RBM34: variants seen among roughly 807,000 people sequenced by gnomAD.
RBM34 encodes the protein RNA-binding protein 34.
Under a neutral mutation model 44.6 loss-of-function variants are expected in RBM34, and 39 were observed. That is an observed-to-expected ratio of 0.87 (90% CI 0.68 to 1.14). The LOEUF is 1.14. RBM34 is among the 50% of genes most tolerant of loss of function. The pLI is 0.00. For synonymous variants in RBM34, 194 were observed against 184.0 expected (o/e 1.05, Z -0.44); for missense variants, 572 against 517.9 (o/e 1.10, Z -1.01).
intron 2 of RBM34, 92 bp from the exon 3 acceptor site, chr1:235,160,739 T>C: frequency 6.6e-7 from 1 of 1,519,432 alleles, no homozygotes; most frequent in Non-Finnish European, 8.9e-7. Flanking sequence ...GAGAATCTCT[T>C]CTCTCTCACT....
chr1:235,150,106 G>A (rs145297150), intron 5 of RBM34, among the ~76,000 whole-genome samples: 1,728 of 152,242 alleles, frequency 0.011, 32 homozygotes, highest in African/African-American at 0.036. Flanking sequence ...ACAGAATCTC[G>A]CTTTGTCGCC....
chr1:235,151,530 T>C (rs1350416240), intron 5 of RBM34, among the ~76,000 whole-genome samples: 1 of 152,140 alleles, frequency 6.6e-6, no homozygotes, highest in Non-Finnish European at 1.5e-5. Context: ...CCTCTAACAT[T>C]TGGCAATTCC....
At chr1:235,148,225 T>C (rs753779384) in intron 6 of RBM34, among the ~76,000 whole-genome samples, 179 bp downstream of exon 6, 5 of 152,242 alleles carry the variant, frequency 3.3e-5, no homozygotes, top group African/African-American at 2.4e-5. Context: ...AATTATATTA[T>C]GGCTTAAAGA....
chr1:235,144,976 G>C (rs1217117655), intron 6 of RBM34, among the ~76,000 whole-genome samples: 1 of 152,148 alleles, frequency 6.6e-6, no homozygotes, highest in Non-Finnish European at 1.5e-5. Flanking sequence ...CAGGGAGGCG[G>C]AGATTACGGT....
chr1:235,135,529 C>T lies in RBM34; in HGVS notation c.1008+123G>A, dbSNP rs529333909. 49 of 878,142 alleles carry T rather than the reference C, an allele frequency of 5.6e-5. No homozygotes were observed. The Middle Eastern group carries it at 1.1e-3, about 19-fold the overall frequency. 54.4% of individuals were successfully genotyped at this position (878,142 alleles called of 1,614,324 possible). On this transcript the variant is annotated intron_variant, in intron 10 of 10. Coordinates refer to ENST00000408888, the MANE Select transcript of RBM34 (RefSeq NM_015014.4). ...CAGGCATGAGTCACTGCACCTAGCC[C>T]AGTTTTCTTAAGATGGAATTTGAGA...
chr1:235,154,992 T>C lies in RBM34; in HGVS notation c.486A>G (p.Glu162=), dbSNP rs779688203. ...VADRKILDDT[E]DTVVSQRKKI... ...TCTTTCTTTGACTGACAACTGTGTCTTCTGTGTCATCAAGTATTTTTCTAT... is the reference window on the plus strand; with the variant it reads ...TCTTTCTTTGACTGACAACTGTGTCCTCTGTGTCATCAAGTATTTTTCTAT... Residue 162 remains glutamate (E), a synonymous_variant, in exon 4 of 11, where the codon GAA becomes GAG. Coordinates refer to ENST00000408888, the MANE Select transcript of RBM34 (RefSeq NM_015014.4). 224 of 1,613,970 alleles carry C rather than the reference T, an allele frequency of 1.4e-4. No homozygotes were observed. Among genetic ancestry groups the C allele is most frequent in the Non-Finnish European group, 1.8e-4 (207 of 1,179,966 alleles).
chr1:235,152,808 C>A, intron 4 of RBM34, 43 bp from the exon 5 acceptor site: 2 of 1,451,304 alleles, frequency 1.4e-6, no homozygotes, highest in Non-Finnish European at 9.4e-7. Context: ...ACCTTCAGAA[C>A]ATCAAATAAG....
At chr1:235,161,124 A>T (rs755291213) in intron 1 of RBM34, 50 bp downstream of exon 1, 3 of 1,604,722 alleles carry the variant, frequency 1.9e-6, no homozygotes, top group Non-Finnish European at 2.6e-6. Flanking sequence ...CGCCAGCACG[A>T]GGGAACGTAC....
chr1:235,149,811 T>C (rs1662081400), intron 5 of RBM34, among the ~76,000 whole-genome samples: 1 of 152,212 alleles, frequency 6.6e-6, no homozygotes, highest in South Asian at 2.1e-4. Flanking sequence ...AGGGTAGTTA[T>C]TATAAATCTT....
chr1:235,140,396 A>AGGCCCTGCC (rs1002092370), intron 6 of RBM34, among the ~76,000 whole-genome samples: 5 of 152,088 alleles, frequency 3.3e-5, no homozygotes, highest in Non-Finnish European at 5.9e-5. Flanking sequence ...CCGGCCCTGC[A>AGGCCCTGCC]GGCCCTGCCG....
intron 10 of RBM34, among the ~76,000 whole-genome samples, chr1:235,135,325 T>A (rs184305823): frequency 4.6e-4 from 70 of 151,466 alleles, no homozygotes; most frequent in African/African-American, 1.6e-3. Context: ...ACCTCCCGGG[T>A]TCAAGCGATT....
In RBM34 at chr1:235,131,831, T is replaced by C. The variant is rs1233845743; in HGVS notation, c.1175A>G (p.Lys392Arg). The change falls in exon 11 of 11, where the codon AAA becomes AGA. Residue 392 changes from lysine (K) to arginine (R), a missense_variant. Transcript: ENST00000408888. Reference protein sequence around the residue: ...KPKQGLNFTSKTAEGHPKSLF... With the variant: ...KPKQGLNFTSRTAEGHPKSLF... Reference sequence around the variant, plus strand: ...GCTTTTAGGATGTCCTTCTGCAGTTTTGGAAGTAAAATTAAGTCCCTGCTT... The same window carrying C: ...GCTTTTAGGATGTCCTTCTGCAGTTCTGGAAGTAAAATTAAGTCCCTGCTT... 4 of 1,614,190 alleles carry C rather than the reference T, an allele frequency of 2.5e-6. No homozygotes were observed. Among genetic ancestry groups the C allele is most frequent in the South Asian group, 2.2e-5 (2 of 91,080 alleles).
chr1:235,138,537 A>C (rs1661534043), intron 6 of RBM34, among the ~76,000 whole-genome samples: 2 of 152,182 alleles, frequency 1.3e-5, no homozygotes, highest in African/African-American at 4.8e-5. Flanking sequence ...TTTCCTCTTT[A>C]CTGTGAAACA....
intron 6 of RBM34, among the ~76,000 whole-genome samples, chr1:235,145,729 A>G (rs571212579): frequency 2.0e-5 from 3 of 152,318 alleles, no homozygotes; most frequent in Non-Finnish European, 2.9e-5. Flanking sequence ...TATCCTACAG[A>G]TAAGTTTAGC....
intron 5 of RBM34, among the ~76,000 whole-genome samples, chr1:235,151,537 T>C (rs1485650565): frequency 1.3e-5 from 2 of 152,170 alleles, no homozygotes; most frequent in South Asian, 2.1e-4. Context: ...CATTTGGCAA[T>C]TCCTGAAGAT....
chr1:235,160,455 G>A, intron 3 of RBM34, 56 bp downstream of exon 3: 1 of 1,536,090 alleles, frequency 6.5e-7, no homozygotes, highest in Non-Finnish European at 8.9e-7. Flanking sequence ...TCCAAGTATA[G>A]GAATGTTAAT....
At chr1:235,132,048 A>T (rs776185741) in intron 10 of RBM34, 51 bp from the exon 11 acceptor site, 2 of 1,473,762 alleles carry the variant, frequency 1.4e-6, no homozygotes, top group East Asian at 4.5e-5. Context: ...CCATCTGCAA[A>T]GAAACTAGTG....
At chr1:235,153,262 CAA>C (rs35089184) in intron 4 of RBM34, among the ~76,000 whole-genome samples, 7 of 129,710 alleles carry the variant, frequency 5.4e-5, no homozygotes, top group African/African-American at 2.8e-5. Context: ...GACTCTGTCT[CAA>C]AAAAAAAAAA....
chr1:235,140,210 C>T (rs1050738735), intron 6 of RBM34, among the ~76,000 whole-genome samples: 1 of 152,374 alleles, frequency 6.6e-6, no homozygotes. Context: ...TTCAGCCCAC[C>T]GCTGCGCTGT....
Sources: gnomAD v4.1 joint callset for allele counts (sites outside exome capture counted in the v4.1 genomes callset) on GRCh38, gnomAD v4.1.1 for gene constraint, MANE v1.5 for transcripts, NCBI Gene and HGNC (gene_info 2026-07-23, HGNC 2026-07-21) for gene names.